AASS: variants seen among roughly 807,000 people sequenced by gnomAD.
AASS encodes the protein aminoadipate-semialdehyde synthase, also known as alpha-aminoadipic semialdehyde synthase, mitochondrial.
In AASS, 86 loss-of-function variants were observed where a neutral mutation model predicts 105.4. The ratio of observed to expected loss-of-function variants is 0.82; its 90% CI spans 0.69 to 0.98. AASS has a LOEUF of 0.98. Among genes scored for constraint, AASS ranks in the 50% least tolerant of loss-of-function variants. The pLI, the probability that AASS is intolerant of heterozygous loss-of-function variation, is 0.00. For missense variants in AASS, 1,048 were observed against 1,143.2 expected (o/e 0.92, Z 1.20); for synonymous variants, 381 against 394.8 (o/e 0.96, Z 0.41).
chr7:122,084,886 G>T (rs1461874184), intron 19 of AASS, among the ~76,000 whole-genome samples: 1 of 151,960 alleles, frequency 6.6e-6, no homozygotes, highest in Non-Finnish European at 1.5e-5. Flanking sequence ...AGACAGATTT[G>T]CAGTCAGGTC....
chr7:122,078,811 CTA>C, intron 22 of AASS, 49 bp downstream of exon 22: 1 of 1,536,848 alleles, frequency 6.5e-7, no homozygotes, highest in Admixed American at 1.7e-5. Context: ...TGCACTGACT[CTA>C]TCTTATGATT....
intron 2 of AASS, among the ~76,000 whole-genome samples, chr7:122,130,108 A>G (rs1377688808): frequency 6.6e-6 from 1 of 152,072 alleles, no homozygotes; most frequent in Non-Finnish European, 1.5e-5. Flanking sequence ...AATACAAAAC[A>G]TGATCAGCAG....
chr7:122,099,867 C>T (rs2150522967), intron 13 of AASS, among the ~76,000 whole-genome samples: 1 of 151,944 alleles, frequency 6.6e-6, no homozygotes, highest in South Asian at 2.1e-4. Context: ...TAACTACTAC[C>T]ATCTCCCATT....
chr7:122,122,134 G>A (rs1295250410), intron 4 of AASS, among the ~76,000 whole-genome samples: 1 of 152,032 alleles, frequency 6.6e-6, no homozygotes, highest in South Asian at 2.1e-4. Flanking sequence ...TGGTTCTACT[G>A]TCATTTTCTT....
intron 11 of AASS, among the ~76,000 whole-genome samples, chr7:122,105,296 C>T (rs936585433): frequency 3.3e-5 from 5 of 151,786 alleles, no homozygotes; most frequent in Admixed American, 1.3e-4. Flanking sequence ...ACTTCAATAC[C>T]CCTCTTTCAA....
At chr7:122,138,461 G>A (rs920904068) in intron 1 of AASS, among the ~76,000 whole-genome samples, 1 of 152,184 alleles carries the variant, frequency 6.6e-6, no homozygotes, top group Non-Finnish European at 1.5e-5. Flanking sequence ...TAAAAGTTAT[G>A]TAAATGTGGT....
At chr7:122,107,052 C>G (rs1392078560) in intron 11 of AASS, among the ~76,000 whole-genome samples, 1 of 151,998 alleles carries the variant, frequency 6.6e-6, no homozygotes, top group Non-Finnish European at 1.5e-5. Context: ...AAAAAACAAA[C>G]AACCCCATTA....
intron 15 of AASS, among the ~76,000 whole-genome samples, chr7:122,093,590 C>G (rs374311429): frequency 4.2e-4 from 64 of 152,164 alleles, no homozygotes; most frequent in African/African-American, 1.4e-3. Context: ...ACAGGTGAGT[C>G]GCTTGGGCCC....
At chr7:122,117,527 C>T (rs530830936) in intron 6 of AASS, among the ~76,000 whole-genome samples, 3 of 152,178 alleles carry the variant, frequency 2.0e-5, no homozygotes, top group Admixed American at 2.0e-4. Flanking sequence ...AAATGGTTAT[C>T]GTGAGGTCAC....
intron 3 of AASS, 140 bp from the exon 4 acceptor site, chr7:122,126,599 A>G: frequency 2.8e-6 from 2 of 726,852 alleles, no homozygotes; most frequent in South Asian, 1.5e-5. Flanking sequence ...ACCATCAGGT[A>G]TACCATGAAA....
intron 17 of AASS, 100 bp from the exon 18 acceptor site, chr7:122,091,943 C>T: frequency 1.1e-6 from 1 of 877,020 alleles, no homozygotes; most frequent in Non-Finnish European, 1.8e-6. Context: ...AAACTTGCTA[C>T]AGTTTTTCAT....
At chr7:122,097,453 C>A (rs1794213356) in intron 15 of AASS, among the ~76,000 whole-genome samples, 1 of 151,876 alleles carries the variant, frequency 6.6e-6, no homozygotes, top group African/African-American at 2.4e-5. Context: ...GTATGGTGTA[C>A]AGATTATTTC....
chr7:122,086,136 G>C lies in AASS; in HGVS notation c.2060C>G (p.Thr687Arg). 6.2e-7 allele frequency: 1 copy of C among 1,613,418 alleles called. No individual in the cohort carries two copies. Among genetic ancestry groups the C allele is most frequent in the Non-Finnish European group, 8.5e-7 (1 of 1,179,746 alleles). Residue 687 changes from threonine (T) to arginine (R), a missense_variant, in exon 19 of 24, where the codon ACG becomes AGG. Coordinates refer to ENST00000417368, the MANE Select transcript of AASS (RefSeq NM_005763.4). ...AGGISFLDAV[T>R]SMDFFPGLNL... ...TAATCCTGGAAAAAAATCCATGGACGTAACGGCATCAAGAAAGGAGATGCC... is the reference window on the plus strand; with the variant it reads ...TAATCCTGGAAAAAAATCCATGGACCTAACGGCATCAAGAAAGGAGATGCC...
At chr7:122,078,761 C>A in intron 22 of AASS, 101 bp downstream of exon 22, 1 of 1,094,148 alleles carries the variant, frequency 9.1e-7, no homozygotes, top group Non-Finnish European at 1.4e-6. Context: ...CACATCTTCC[C>A]ATTCCTGCTG....
chr7:122,104,692 A>G (rs765842016), intron 11 of AASS, among the ~76,000 whole-genome samples: 4 of 152,050 alleles, frequency 2.6e-5, no homozygotes, highest in Non-Finnish European at 5.9e-5. Flanking sequence ...ACCAAATACC[A>G]CATGTTCTCA....
At chr7:122,120,682 GAATT>G (rs1468622167) in intron 4 of AASS, among the ~76,000 whole-genome samples, 2 of 151,858 alleles carry the variant, frequency 1.3e-5, no homozygotes, top group African/African-American at 4.8e-5. Context: ...TCTAATAAAA[GAATT>G]AAATGCTGTA....
At position 122,077,911 on chromosome 7, in the gene AASS, G is replaced by T. The variant is rs1480199870; in HGVS notation, c.2589C>A (p.Asp863Glu). ...HKTIDLVAYG[D>E]INGFSAMAKT... is the part of the protein sequence containing the mutation. ...TAGCCATGGCTGAAAAGCCATTGAT[G>T]TCCCCATAAGCCACAAGATCAATCG... Residue 863 changes from aspartate to glutamate, a missense_variant, in exon 23 of 24, where the codon GAC becomes GAA. Asp to Glu is a conservative substitution (Grantham distance 45). Coordinates refer to ENST00000417368, the MANE Select transcript of AASS (RefSeq NM_005763.4). 1 of 1,614,150 alleles carries T rather than the reference G, an allele frequency of 6.2e-7. No individual in the cohort carries two copies. Among genetic ancestry groups the T allele is most frequent in the Non-Finnish European group, 8.5e-7 (1 of 1,180,020 alleles).
rs1792971439 is a variant in AASS at position 122,075,763 on chromosome 7, G to T, written c.*726C>A. On this transcript the variant is annotated 3_prime_UTR_variant, in exon 24 of 24. Transcript: ENST00000417368. ...CAAACACTCAAGAGAAAACTATAAG[G>T]AACTATATTTACAAAATAAATCATA... The T allele has an allele frequency of 6.6e-6, 1 of 151,888 alleles. No homozygotes were observed. The highest frequency in any genetic ancestry group is 1.5e-5 in the Non-Finnish European group (1 of 67,990). The allele number at this position is 151,888 out of a possible 1,614,324, so 9.4% of individuals were successfully genotyped here. A position where few individuals can be genotyped will look rare whatever the true frequency, so the allele number is the denominator to read the frequency against.
intron 1 of AASS, among the ~76,000 whole-genome samples, chr7:122,143,029 A>T (rs1796473816): frequency 6.6e-6 from 1 of 152,192 alleles, no homozygotes; most frequent in Non-Finnish European, 1.5e-5. Context: ...CAGAATGGCC[A>T]CCAGGTTACA....
Sources: gnomAD v4.1 joint callset for allele counts (sites outside exome capture counted in the v4.1 genomes callset) on GRCh38, gnomAD v4.1.1 for gene constraint, MANE v1.5 for transcripts, NCBI Gene and HGNC (gene_info 2026-07-23, HGNC 2026-07-21) for gene names.